CFAP47: variants seen among roughly 807,000 people sequenced by gnomAD.
CFAP47 encodes the protein cilia and flagella associated protein 47, also known as cilia- and flagella-associated protein 47.
In CFAP47, 29 loss-of-function variants were observed where a neutral mutation model predicts 148.1. The ratio of observed to expected loss-of-function variants is 0.20; its 90% CI spans 0.15 to 0.27. CFAP47 has a LOEUF of 0.27. Among genes scored for constraint, CFAP47 ranks in the 10% least tolerant of loss-of-function variants. CFAP47 has a pLI of 1.00. For synonymous variants in CFAP47, 664 were observed against 577.3 expected (o/e 1.15, Z -2.15); for missense variants, 1,872 against 1,697.5 (o/e 1.10, Z -1.81).
At chrX:36,365,537 A>G (rs1477590518) in intron 61 of CFAP47, 3 of 109,603 alleles carry the variant, frequency 2.7e-5, no homozygotes, top group Non-Finnish European at 3.8e-5. Context: ...ATATAGGTAA[A>G]CTCGTGTCAT....
chrX:36,064,848 A>T (rs1937623335), intron 26 of CFAP47, among the ~76,000 whole-genome samples: 1 of 112,125 alleles, frequency 8.9e-6, no homozygotes, highest in Non-Finnish European at 1.9e-5. Flanking sequence ...ATAGTTTAAG[A>T]GTGTTTTGTG....
intron 21 of CFAP47, 146 bp from the exon 22 acceptor site, chrX:36,014,628 C>CT (rs764009395): frequency 3.7e-5 from 9 of 240,596 alleles, no homozygotes; most frequent in Admixed American, 6.9e-5. Flanking sequence ...AATGAACCAT[C>CT]TTTTTTTTAA....
intron 2 of CFAP47, among the ~76,000 whole-genome samples, chrX:35,934,409 T>G (rs1380905859): frequency 9.0e-6 from 1 of 110,758 alleles, no homozygotes; most frequent in Non-Finnish European, 1.9e-5. Flanking sequence ...GTCTCTTTAG[T>G]CAGCTTGTGG....
chrX:36,064,304 T>C (rs753952505), intron 26 of CFAP47, among the ~76,000 whole-genome samples: 1 of 111,732 alleles, frequency 8.9e-6, no homozygotes, highest in Non-Finnish European at 1.9e-5. Flanking sequence ...TGAAATGTAA[T>C]CCTGAATAAG....
intron 37 of CFAP47, among the ~76,000 whole-genome samples, chrX:36,158,477 G>A (rs1453723079): frequency 8.9e-6 from 1 of 111,928 alleles, no homozygotes; most frequent in East Asian, 2.8e-4. Context: ...CTTGTACAGG[G>A]CAATATCAAA....
At chrX:35,976,987 T>C (rs772790192) in intron 15 of CFAP47, among the ~76,000 whole-genome samples, 2 of 111,899 alleles carry the variant, frequency 1.8e-5, no homozygotes, top group Admixed American at 9.5e-5. Flanking sequence ...TTTAGTAGCC[T>C]GTCAAATTTG....
chrX:36,063,217 T>C lies in CFAP47; in HGVS notation c.4218-2426T>C, dbSNP rs185704895. ...AGAGCAATTCCTCTGTCAGTAACCA[T>C]TTGTGTCTGTATGCATTGGCATAGG... On this transcript the variant is annotated intron_variant, in intron 26 of 63. Coordinates refer to ENST00000378653, the MANE Select transcript of CFAP47 (RefSeq NM_001304548.2). 1.5e-3 allele frequency among the ~76,000 whole-genome samples: 165 copies of C among 111,823 alleles called. 1 individual carries two copies. Among genetic ancestry groups the C allele is most frequent in the Non-Finnish European group, 4.9e-4 (26 of 53,115 alleles).
chrX:36,342,623 GT>G (rs35195431), intron 57 of CFAP47, among the ~76,000 whole-genome samples: 5,424 of 111,071 alleles, frequency 0.049, 332 homozygotes, highest in African/African-American at 0.17. Flanking sequence ...AAATAAGTGT[GT>G]TTTTTTGATA....
intron 1 of CFAP47, among the ~76,000 whole-genome samples, chrX:35,923,641 G>T (rs1047973164): frequency 9.2e-6 from 1 of 109,154 alleles, no homozygotes; most frequent in Admixed American, 9.9e-5. Flanking sequence ...CCAACATGGT[G>T]AAACCCCGTC....
At chrX:35,923,323 T>A in intron 1 of CFAP47, among the ~76,000 whole-genome samples, 1 of 112,042 alleles carries the variant, frequency 8.9e-6, no homozygotes, top group Non-Finnish European at 1.9e-5. Context: ...GAAGTGTATT[T>A]ACATAAGATA....
chrX:35,924,379 G>A (rs940246133), intron 1 of CFAP47, among the ~76,000 whole-genome samples: 1 of 102,712 alleles, frequency 9.7e-6, no homozygotes, highest in East Asian at 3.0e-4. Flanking sequence ...GTGCATATAT[G>A]CACACATATG....
intron 18 of CFAP47, among the ~76,000 whole-genome samples, chrX:35,995,309 C>G (rs6632454): frequency 1.8e-5 from 2 of 111,482 alleles, no homozygotes; most frequent in East Asian, 5.6e-4. Context: ...AGTTTTAGAT[C>G]ATACAGGGCC....
chrX:36,068,696 G>T (rs772266017), intron 27 of CFAP47, among the ~76,000 whole-genome samples: 2 of 107,612 alleles, frequency 1.9e-5, no homozygotes, highest in African/African-American at 6.8e-5. Flanking sequence ...AGGGGCTCAC[G>T]CCTGTAATCC....
At chrX:36,176,376 G>A (rs990585477) in intron 39 of CFAP47, among the ~76,000 whole-genome samples, 4 of 112,225 alleles carry the variant, frequency 3.6e-5, no homozygotes, top group Non-Finnish European at 7.5e-5. Flanking sequence ...TTCACTGGTT[G>A]TCTAGTTTTG....
At chrX:36,184,016 C>T (rs1255436340) in intron 40 of CFAP47, among the ~76,000 whole-genome samples, 3 of 110,305 alleles carry the variant, frequency 2.7e-5, no homozygotes, top group Non-Finnish European at 3.8e-5. Context: ...ATAAATAAGT[C>T]ACATATCTGG....
intron 40 of CFAP47, among the ~76,000 whole-genome samples, chrX:36,187,702 G>A (rs1939822449): frequency 9.0e-6 from 1 of 111,217 alleles, no homozygotes; most frequent in Admixed American, 9.6e-5. Flanking sequence ...AATTTATAGT[G>A]CTAACCAGAA....
intron 1 of CFAP47, among the ~76,000 whole-genome samples, chrX:35,924,414 T>C (rs1034705378): frequency 2.0e-5 from 2 of 102,078 alleles, no homozygotes; most frequent in Non-Finnish European, 3.9e-5. Flanking sequence ...CACATATGTG[T>C]ATATGCACAC....
intron 33 of CFAP47, among the ~76,000 whole-genome samples, chrX:36,108,786 CT>C (rs1297996646): frequency 9.4e-6 from 1 of 106,271 alleles, no homozygotes; most frequent in East Asian, 3.0e-4. Flanking sequence ...TTGGCTGCTG[CT>C]TCCTTTTTTT....
At chrX:36,301,233 A>G in intron 53 of CFAP47, 54 bp downstream of exon 53, 1 of 660,465 alleles carries the variant, frequency 1.5e-6, no homozygotes, top group Non-Finnish European at 2.3e-6. Flanking sequence ...TAGTTAATCT[A>G]TTACAATGTT....
Sources: allele counts gnomAD v4.1 joint callset (sites outside exome capture counted in the v4.1 genomes callset), GRCh38; gene constraint gnomAD v4.1.1; transcripts MANE v1.5; gene names NCBI Gene and HGNC (gene_info 2026-07-23, HGNC 2026-07-21).